N4BP3: variants seen among roughly 807,000 people sequenced by gnomAD.
N4BP3 encodes NEDD4-binding protein 3.
A neutral mutation model predicts 43.8 loss-of-function variants in N4BP3; 33 were observed. The ratio of observed to expected loss-of-function variants is 0.75; its 90% CI spans 0.57 to 1.01. The LOEUF is 1.01. Among genes scored for constraint, N4BP3 ranks in the 50% least tolerant of loss-of-function variants. N4BP3 has a pLI of 0.00. For missense variants in N4BP3, 756 were observed against 744.2 expected (o/e 1.02, Z -0.18); for synonymous variants, 326 against 321.9 (o/e 1.01, Z -0.14).
At position 178,124,116 on chromosome 5, in the gene N4BP3, C is replaced by G. The variant is rs770442545; in HGVS notation, c.*2115C>G. The G allele has an allele frequency of 1.3e-5, 2 of 152,794 alleles. No homozygotes were observed. The highest frequency in any genetic ancestry group is 2.4e-5 in the African/African-American group (1 of 41,472). 9.5% of individuals were successfully genotyped at this position (152,794 alleles called of 1,614,324 possible). A position where few individuals can be genotyped will look rare whatever the true frequency, so the allele number is the denominator to read the frequency against. ...GCTGGCCAGATGCCTTGATCACAGC[C>G]TCCATGGCCAGGGGCCTGTCAAGCC... On this transcript the variant is annotated 3_prime_UTR_variant, in exon 5 of 5. Coordinates refer to ENST00000274605, the MANE Select transcript of N4BP3 (RefSeq NM_015111.2).
chr5:178,116,010 G>T (rs1757763875), intron 1 of N4BP3, among the ~76,000 whole-genome samples: 1 of 152,204 alleles, frequency 6.6e-6, no homozygotes, highest in South Asian at 2.1e-4. Context: ...CAGCTGTGTG[G>T]CTGGGGGTTT....
chr5:178,126,928 C>G (rs1027315369), downstream of N4BP3, among the ~76,000 whole-genome samples: 3 of 152,192 alleles, frequency 2.0e-5, no homozygotes, highest in Non-Finnish European at 4.4e-5. Context: ...GTTTTTGGAG[C>G]TCAAATGCTA....
chr5:178,121,146 T>C lies in N4BP3; in HGVS notation c.901T>C (p.Tyr301His). 6.2e-7 allele frequency: 1 copy of C among 1,600,228 alleles called. No individual in the cohort carries two copies. The highest frequency in any genetic ancestry group is 8.5e-7 in the Non-Finnish European group (1 of 1,178,902). Reference protein sequence around the residue: ...RLWLAELKRLYVERLHEVTQK... With the variant: ...RLWLAELKRLHVERLHEVTQK... ...GTGGCTGGCTGAGCTGAAGCGCCTG[T>C]ATGTGGAGCGGCTGCACGAGGTGAC... is the stretch of plus-strand genomic sequence containing the variant. The change falls in exon 4 of 5, where the codon TAT (tyrosine) becomes CAT (histidine). Residue 301 changes from tyrosine (Y) to histidine (H), a missense_variant. Physicochemically the swap from Tyr to His is moderately conservative, Grantham distance 83. Transcript: ENST00000274605.
intron 3 of N4BP3, 28 bp from the exon 4 acceptor site, chr5:178,121,070 C>T (rs759888205): frequency 5.7e-6 from 9 of 1,588,866 alleles, no homozygotes; most frequent in Admixed American, 3.4e-5. Flanking sequence ...GGCAGGGCCA[C>T]GGTGGATGCA....
At position 178,118,959 on chromosome 5, in the gene N4BP3, A is replaced by G. The variant is rs562461429; in HGVS notation, c.-30-595A>G. Among the ~76,000 whole-genome samples, 3 of 148,054 alleles carry G rather than the reference A, an allele frequency of 2.0e-5. No individual in the cohort carries two copies. The Admixed American group carries it at 2.1e-4, about 10-fold the overall frequency. ...CGGCTCACTGCAAGCTCTGCCTCCC[A>G]GGTTCATGCCATTCTCCAGCCTCAG... On this transcript the variant is annotated intron_variant, in intron 1 of 4. Coordinates refer to ENST00000274605, the MANE Select transcript of N4BP3 (RefSeq NM_015111.2). The surrounding 1 kb of genome is among the most constrained non-coding windows in gnomAD (Gnocchi z 5.4).
In N4BP3 at chr5:178,122,035, T is replaced by G; in HGVS notation, c.*34T>G. 1 of 1,546,160 alleles carries G rather than the reference T, an allele frequency of 6.5e-7. No individual in the cohort carries two copies. The highest frequency in any genetic ancestry group is 8.7e-7 in the Non-Finnish European group (1 of 1,148,542). On this transcript the variant is annotated 3_prime_UTR_variant, in exon 5 of 5. Coordinates refer to ENST00000274605, the MANE Select transcript of N4BP3 (RefSeq NM_015111.2). ...GAGCGAGCTGACAGCAGCAACACTG[T>G]CAGAAGGTGCCCTGAGACGGCCGGC... is the stretch of plus-strand genomic sequence containing the variant.
Position 178,121,737 on chromosome 5 carries a change from A to C in N4BP3, c.1371A>C (p.Gly457=). 6.2e-7 allele frequency: 1 copy of C among 1,608,116 alleles called. No individual in the cohort carries two copies. Among genetic ancestry groups the C allele is most frequent in the Non-Finnish European group, 8.5e-7 (1 of 1,179,822 alleles). ...GCAGGGGCCTGCTAGGGGAGGCAGG[A>C]GGCAGCGAGGCCAGAGACAGTGCTG... ...CKSRGLLGEA[G]GSEARDSAEQ... The change falls in exon 5 of 5, where the codon GGA becomes GGC. Residue 457 remains glycine (G), a synonymous_variant. Transcript: ENST00000274605.
chr5:178,119,469 A>C, intron 1 of N4BP3, 85 bp from the exon 2 acceptor site: 1 of 1,004,900 alleles, frequency 1.0e-6, no homozygotes, highest in Admixed American at 2.8e-5. Context: ...GGGGAGCTAC[A>C]GGGAGCAAGT....
At position 178,123,415 on chromosome 5, in the gene N4BP3, A is replaced by C. The variant is rs1449506548; in HGVS notation, c.*1414A>C. The C allele has an allele frequency of 6.6e-6, 1 of 152,266 alleles. No individual in the cohort carries two copies. Among genetic ancestry groups the C allele is most frequent in the Non-Finnish European group, 1.5e-5 (1 of 68,084 alleles). 9.4% of individuals were successfully genotyped at this position (152,266 alleles called of 1,614,324 possible). On this transcript the variant is annotated 3_prime_UTR_variant, in exon 5 of 5. Coordinates refer to ENST00000274605, the MANE Select transcript of N4BP3 (RefSeq NM_015111.2). ...CCCTGCACACTGATGTCAGCTCACC[A>C]GTCTCTTCCCTGACAGGGCAGCTCA... is the stretch of plus-strand genomic sequence containing the variant.
chr5:178,117,053 T>A (rs1215694916), intron 1 of N4BP3, among the ~76,000 whole-genome samples: 1 of 152,178 alleles, frequency 6.6e-6, no homozygotes, highest in Non-Finnish European at 1.5e-5. Flanking sequence ...GGTCAAGTGA[T>A]CCTCCTGCCT....
intron 1 of N4BP3, among the ~76,000 whole-genome samples, chr5:178,114,869 A>T (rs950468242): frequency 3.9e-5 from 6 of 152,226 alleles, no homozygotes; most frequent in Non-Finnish European, 8.8e-5. Flanking sequence ...AGTCTAGGGC[A>T]GCCTGGTTGC....
At chr5:178,126,629 A>C (rs1207697811), downstream of N4BP3, among the ~76,000 whole-genome samples, 1 of 152,104 alleles carries the variant, frequency 6.6e-6, no homozygotes, top group Non-Finnish European at 1.5e-5. Flanking sequence ...TTTCCCTCCC[A>C]AAACCCTCCT....
rs1281872512 is a variant in N4BP3 at position 178,119,604 on chromosome 5, T to G, written c.21T>G (p.Pro7=). MATAPG[P]AGIAMGSVGS... Reference sequence around the variant, plus strand: ...ACTTCATGGCCACAGCCCCAGGCCCTGCTGGCATTGCCATGGGCAGCGTGG... The same window carrying G: ...ACTTCATGGCCACAGCCCCAGGCCCGGCTGGCATTGCCATGGGCAGCGTGG... The change falls in exon 2 of 5, where the codon CCT becomes CCG. Residue 7 remains proline, a synonymous_variant. Transcript: ENST00000274605. 6.4e-7 allele frequency: 1 copy of G among 1,551,878 alleles called. No homozygotes were observed. Among genetic ancestry groups the G allele is most frequent in the East Asian group, 2.3e-5 (1 of 44,392 alleles).
chr5:178,119,625 C>A lies in N4BP3; in HGVS notation c.42C>A (p.Ser14Arg). 2 of 1,572,590 alleles carry A rather than the reference C, an allele frequency of 1.3e-6. No individual in the cohort carries two copies. Among genetic ancestry groups the A allele is most frequent in the Non-Finnish European group, 8.6e-7 (1 of 1,158,942 alleles). ...GCCCTGCTGGCATTGCCATGGGCAG[C>A]GTGGGCAGCCTGTTGGAACGGCAGG... Reference protein sequence around the residue: ...APGPAGIAMGSVGSLLERQDF... With the variant: ...APGPAGIAMGRVGSLLERQDF... Residue 14 changes from serine to arginine, a missense_variant, in exon 2 of 5, where the codon AGC (serine) becomes AGA (arginine). Physicochemically the swap from Ser to Arg is moderately radical, Grantham distance 110. Transcript: ENST00000274605.
Position 178,121,131 on chromosome 5 carries a change from G to A in N4BP3, c.886G>A (p.Glu296Lys). 3.8e-6 allele frequency: 6 copies of A among 1,598,930 alleles called. No individual in the cohort carries two copies. Among genetic ancestry groups the A allele is most frequent in the Admixed American group, 1.7e-5 (1 of 59,606 alleles). The change falls in exon 4 of 5, where the codon GAG becomes AAG. Residue 296 changes from glutamate (E) to lysine (K), a missense_variant. By Grantham distance (56) the Glu-to-Lys change is moderately conservative. Transcript: ENST00000274605. ...GGAGCGCCAGCGGCTGTGGCTGGCT[G>A]AGCTGAAGCGCCTGTATGTGGAGCG... Reference protein sequence around the residue: ...LEERQRLWLAELKRLYVERLH... With the variant: ...LEERQRLWLAKLKRLYVERLH...
At chr5:178,114,902 C>T (rs1757737591) in intron 1 of N4BP3, among the ~76,000 whole-genome samples, 2 of 152,152 alleles carry the variant, frequency 1.3e-5, no homozygotes, top group Non-Finnish European at 2.9e-5. Context: ...GAGAAACAGG[C>T]ATGGAGGGCT....
intron 4 of N4BP3, 57 bp from the exon 5 acceptor site, chr5:178,121,417 C>T (rs1757920246): frequency 6.2e-7 from 1 of 1,613,194 alleles, no homozygotes; most frequent in Non-Finnish European, 8.5e-7. Context: ...TTCTGCCTGC[C>T]CCCTCCCAAA....
downstream of N4BP3, among the ~76,000 whole-genome samples, chr5:178,126,870 A>G (rs185423116): frequency 6.6e-6 from 1 of 152,254 alleles, no homozygotes; most frequent in East Asian, 1.9e-4. Flanking sequence ...TCCTCCCCTC[A>G]ACCTCCTAGC....
In N4BP3 at chr5:178,119,817, C is replaced by T. The variant is rs766473340; in HGVS notation, c.234C>T (p.Asn78=). The change falls in exon 2 of 5, where the codon AAC becomes AAT. Residue 78 remains asparagine, a synonymous_variant. Coordinates refer to ENST00000274605, the MANE Select transcript of N4BP3 (RefSeq NM_015111.2). ...STKNTKRAPR[N]EPADYATLYY... ...AGAACACCAAGCGGGCCCCTCGGAACGAGCCTGCCGACTATGCCACCCTCT... is the reference window on the plus strand; with the variant it reads ...AGAACACCAAGCGGGCCCCTCGGAATGAGCCTGCCGACTATGCCACCCTCT... 13 of 1,613,318 alleles carry T rather than the reference C, an allele frequency of 8.1e-6. No individual in the cohort carries two copies. Among genetic ancestry groups the T allele is most frequent in the African/African-American group, 2.7e-5 (2 of 75,044 alleles).
Sources: gnomAD v4.1 joint callset for allele counts (sites outside exome capture counted in the v4.1 genomes callset) on GRCh38, gnomAD v4.1.1 for gene constraint, Gnocchi (gnomAD v3.1) non-coding constraint, MANE v1.5 for transcripts, NCBI Gene and HGNC (gene_info 2026-07-23, HGNC 2026-07-21) for gene names.